Variants in DOCK3 observed in about 807,000 individuals in gnomAD.
The protein encoded by DOCK3 is dedicator of cytokinesis protein 3.
DOCK3 carries 60 observed loss-of-function variants against 265.6 expected under a neutral mutation model. The ratio of observed to expected loss-of-function variants is 0.23; its 90% CI spans 0.18 to 0.28. DOCK3 has a LOEUF of 0.28. Among genes scored for constraint, DOCK3 ranks in the 10% least tolerant of loss-of-function variants. The probability of loss-of-function intolerance (pLI) is 1.00; values close to 1 mark genes in which losing one functional copy is unlikely to be tolerated. For missense variants in DOCK3, 1,981 were observed against 2,594.3 expected (o/e 0.76, Z 5.14); for synonymous variants, 881 against 938.0 (o/e 0.94, Z 1.11).
At chr3:51,201,494 C>A (rs905983230) in intron 12 of DOCK3, among the ~76,000 whole-genome samples, 11 of 152,068 alleles carry the variant, frequency 7.2e-5, no homozygotes, top group East Asian at 5.8e-4. Context: ...TATATGCACC[C>A]AATACAGGAG....
intron 3 of DOCK3, among the ~76,000 whole-genome samples, chr3:50,845,049 G>T (rs571396857): frequency 6.6e-6 from 1 of 152,170 alleles, no homozygotes; most frequent in South Asian, 2.1e-4. Context: ...ATGGAGAAAT[G>T]CTCTCTCTAC....
intron 1 of DOCK3, among the ~76,000 whole-genome samples, chr3:50,724,000 A>G (rs2037645446): frequency 6.6e-6 from 1 of 152,230 alleles, no homozygotes; most frequent in South Asian, 2.1e-4. Context: ...CAGATTTACA[A>G]GAAAAAAACA....
At chr3:51,032,294 A>G (rs1386354343) in intron 5 of DOCK3, among the ~76,000 whole-genome samples, 7 of 152,216 alleles carry the variant, frequency 4.6e-5, no homozygotes, top group Admixed American at 4.6e-4. Flanking sequence ...TAGTCTTAGT[A>G]AGAATATGAT....
At chr3:51,180,078 G>A (rs943443990) in intron 12 of DOCK3, among the ~76,000 whole-genome samples, 10 of 151,648 alleles carry the variant, frequency 6.6e-5, no homozygotes, top group South Asian at 4.2e-4. Context: ...CGTGGTGGCC[G>A]GCACCTGTTA....
chr3:51,379,523 A>ATG (rs1380453475), intron 51 of DOCK3: 2 of 985,280 alleles, frequency 2.0e-6, no homozygotes, highest in Admixed American at 6.1e-5. Flanking sequence ...GTCTGCCCAT[A>ATG]TGGGGCGCAT....
chr3:51,272,443 AT>A (rs11371306), intron 24 of DOCK3, among the ~76,000 whole-genome samples: 9,766 of 132,602 alleles, frequency 0.074, 811 homozygotes, highest in East Asian at 0.32. Context: ...TGCCTGGCTA[AT>A]TTTTTTTTTT....
At chr3:50,854,419 TC>T (rs1306196818) in intron 3 of DOCK3, among the ~76,000 whole-genome samples, 1 of 148,402 alleles carries the variant, frequency 6.7e-6, no homozygotes, top group African/African-American at 2.5e-5. Flanking sequence ...TCCCCTCCCC[TC>T]CCCCCATCTT....
intron 12 of DOCK3, among the ~76,000 whole-genome samples, chr3:51,198,742 G>A (rs2088487750): frequency 6.6e-6 from 1 of 152,122 alleles, no homozygotes; most frequent in East Asian, 1.9e-4. Flanking sequence ...GCACATCTAG[G>A]CTGTGTGTAG....
At chr3:50,839,950 G>A (rs546614613) in intron 2 of DOCK3, among the ~76,000 whole-genome samples, 2 of 151,218 alleles carry the variant, frequency 1.3e-5, no homozygotes, top group African/African-American at 4.9e-5. Context: ...TGTATTTTTA[G>A]TAGAGATGGG....
chr3:51,241,604 A>T (rs750709991), intron 21 of DOCK3, among the ~76,000 whole-genome samples: 2 of 152,064 alleles, frequency 1.3e-5, no homozygotes, highest in Non-Finnish European at 2.9e-5. Context: ...TATTCCTCGG[A>T]GGTTTTGTTC....
chr3:51,167,353 C>T (rs1200611978), intron 12 of DOCK3, among the ~76,000 whole-genome samples: 2 of 152,116 alleles, frequency 1.3e-5, no homozygotes, highest in African/African-American at 2.4e-5. Flanking sequence ...TGTAACTTTA[C>T]AACATTATTT....
At chr3:51,277,406 C>A (rs544406251) in intron 25 of DOCK3, among the ~76,000 whole-genome samples, 3 of 152,198 alleles carry the variant, frequency 2.0e-5, no homozygotes, top group Non-Finnish European at 4.4e-5. Flanking sequence ...AGCCACCATG[C>A]CTGGGCAGCA....
intron 3 of DOCK3, among the ~76,000 whole-genome samples, chr3:50,853,079 A>C (rs919652506): frequency 7.9e-5 from 12 of 152,308 alleles, no homozygotes; most frequent in African/African-American, 2.9e-4. Flanking sequence ...GAAATATACA[A>C]TAAATTATGA....
intron 12 of DOCK3, among the ~76,000 whole-genome samples, chr3:51,199,748 C>T (rs1233373468): frequency 6.6e-6 from 1 of 152,224 alleles, no homozygotes; most frequent in African/African-American, 2.4e-5. Context: ...CAAGTGGGTC[C>T]CTGACCCCTG....
intron 1 of DOCK3, among the ~76,000 whole-genome samples, chr3:50,752,824 G>A (rs971730316): frequency 6.6e-6 from 1 of 152,136 alleles, no homozygotes; most frequent in Non-Finnish European, 1.5e-5. Context: ...AGTGGAGGCA[G>A]TCATTAAATT....
chr3:50,814,700 CT>C (rs1559675169), intron 2 of DOCK3, among the ~76,000 whole-genome samples: 1 of 152,130 alleles, frequency 6.6e-6, no homozygotes, highest in Non-Finnish European at 1.5e-5. Context: ...AATGCCTTTT[CT>C]CTTTCAGTTG....
intron 2 of DOCK3, among the ~76,000 whole-genome samples, chr3:50,840,840 CTT>C (rs1292064463): frequency 6.6e-6 from 1 of 152,104 alleles, no homozygotes; most frequent in Non-Finnish European, 1.5e-5. Context: ...AGGCTCATCT[CTT>C]TTGTTGTTTG....
rs148663010 is a variant in DOCK3, at chr3:50,787,681, G to A, written c.121+8923G>A. The stretch of plus-strand genomic sequence containing the variant: ...TCTTGTAGTTCTGGGAGTAGGGGAA[G>A]TGGTAGCTGCAGCAACAGAGGCAGC... On this transcript the variant is annotated intron_variant, in intron 2 of 52. Transcript: ENST00000266037. 1.4e-3 allele frequency: 1,819 copies of A among 1,292,638 alleles called. 14 individuals carry two copies. In the African/African-American group the frequency reaches 0.024, roughly 17 times the overall value. The allele number at this position is 1,292,638 out of a possible 1,614,324, so 80.1% of individuals were successfully genotyped here.
At chr3:51,012,007 G>A (rs187429768) in intron 5 of DOCK3, among the ~76,000 whole-genome samples, 206 of 152,266 alleles carry the variant, frequency 1.4e-3, no homozygotes, top group African/African-American at 4.8e-3. Context: ...AGGGGTAGAA[G>A]GCCGTGTGAG....
Sources: allele counts gnomAD v4.1 joint callset (sites outside exome capture counted in the v4.1 genomes callset), GRCh38; gene constraint gnomAD v4.1.1; transcripts MANE v1.5; gene names NCBI Gene and HGNC (gene_info 2026-07-23, HGNC 2026-07-21).